Variants in MIB1 observed in about 807,000 individuals in gnomAD.
MIB1 encodes the protein MIB E3 ubiquitin protein ligase 1, also known as E3 ubiquitin-protein ligase MIB1.
In MIB1, 278 loss-of-function variants were observed where a neutral mutation model predicts 124.5. That is an observed-to-expected ratio of 2.23 (90% CI 2.02 to 2.47). The LOEUF (loss-of-function observed/expected upper bound fraction) is 2.47, where lower values mean the gene tolerates loss of function less well. Ranked by LOEUF, MIB1 falls within the 30% of genes most tolerant of loss-of-function variation. The pLI is 0.00. For synonymous variants in MIB1, 446 were observed against 429.4 expected, an observed-to-expected ratio of 1.04 and a Z score of -0.48; for missense variants, 957 against 1,254.4, an observed-to-expected ratio of 0.76 and a Z score of 3.58.
chr18:21,778,216 C>G, intron 5 of MIB1, 47 bp downstream of exon 5: 1 of 1,277,634 alleles, frequency 7.8e-7, no homozygotes, highest in Non-Finnish European at 1.1e-6. Flanking sequence ...GGTCAGAGTT[C>G]GTGGAATCAG....
chr18:21,800,294 A>G (rs1220164757), intron 9 of MIB1, among the ~76,000 whole-genome samples: 1 of 151,864 alleles, frequency 6.6e-6, no homozygotes, highest in Non-Finnish European at 1.5e-5. Context: ...TCTTCTAAGT[A>G]TATTTTAGTG....
In MIB1 at chr18:21,818,337, A is replaced by T. The variant is rs1226301904; in HGVS notation, c.1678-1158A>T. ...GTTCTAATGAGCAGCCAAGTTTGAAAGCCACCGACTTTCAATTCATTGTTA... is the reference window on the plus strand; with the variant it reads ...GTTCTAATGAGCAGCCAAGTTTGAATGCCACCGACTTTCAATTCATTGTTA... On this transcript the variant is annotated intron_variant, in intron 11 of 20. Transcript: ENST00000261537. 2.0e-5 allele frequency among the ~76,000 whole-genome samples: 3 copies of T among 152,164 alleles called. No individual in the cohort carries two copies. The East Asian group carries it at 5.8e-4, about 29-fold the overall frequency.
chr18:21,753,665 A>G (rs1216919681), intron 1 of MIB1, among the ~76,000 whole-genome samples: 1 of 151,422 alleles, frequency 6.6e-6, no homozygotes. Flanking sequence ...AAAGGAGTGC[A>G]TTTCTTTTTC....
chr18:21,847,251 C>T (rs899194262), intron 16 of MIB1, 126 bp downstream of exon 16: 4 of 845,392 alleles, frequency 4.7e-6, no homozygotes, highest in African/African-American at 1.7e-5. Flanking sequence ...TTGTGTTGAC[C>T]CTTTCTTTCC....
chr18:21,773,919 T>C (rs1224824852), intron 4 of MIB1, among the ~76,000 whole-genome samples, 191 bp downstream of exon 4: 1 of 152,196 alleles, frequency 6.6e-6, no homozygotes, highest in East Asian at 1.9e-4. Context: ...TTACTATATA[T>C]TGGTGGTGTA....
intron 12 of MIB1, among the ~76,000 whole-genome samples, chr18:21,837,706 TTTTTAAA>T (rs1419564229): frequency 6.6e-6 from 1 of 152,206 alleles, no homozygotes; most frequent in Admixed American, 6.5e-5. Flanking sequence ...TTATTACTGA[TTTTTAAA>T]TTTTAAATAT....
At position 21,808,597 on chromosome 18, in the gene MIB1, AT is replaced by A. The variant is rs570596356; in HGVS notation, c.1479+4586del. Among the ~76,000 whole-genome samples the A allele has an allele frequency of 2.9e-3, 444 of 152,202 alleles. 1 individual carries two copies. Among genetic ancestry groups the A allele is most frequent in the African/African-American group, 0.01 (423 of 41,534 alleles). Reference sequence around the variant, plus strand: ...GTGATAAGATTATATTTTGTTTCCTATTTCTTTTTCTTAGGGAAACCTCAAA... The same window carrying A: ...GTGATAAGATTATATTTTGTTTCCTATTCTTTTTCTTAGGGAAACCTCAAA... On this transcript the variant is annotated intron_variant, in intron 10 of 20. Coordinates refer to ENST00000261537, the MANE Select transcript of MIB1 (RefSeq NM_020774.4).
At chr18:21,771,644 A>T (rs2041224918) in intron 3 of MIB1, among the ~76,000 whole-genome samples, 1 of 152,142 alleles carries the variant, frequency 6.6e-6, no homozygotes, top group Non-Finnish European at 1.5e-5. Context: ...GATTGATGAG[A>T]TGGACATAGG....
At chr18:21,825,605 A>C (rs2041917380) in intron 12 of MIB1, 2 of 464,052 alleles carry the variant, frequency 4.3e-6, no homozygotes, top group Non-Finnish European at 8.9e-6. Context: ...AAGTTATTTG[A>C]TTATAATCAC....
chr18:21,752,699 T>G (rs1276348471), intron 1 of MIB1, among the ~76,000 whole-genome samples: 3 of 152,166 alleles, frequency 2.0e-5, no homozygotes, highest in African/African-American at 7.2e-5. Context: ...GTACAACCAC[T>G]TTGAGAAGCA....
intron 1 of MIB1, among the ~76,000 whole-genome samples, chr18:21,764,594 A>T (rs1480644591): frequency 6.6e-6 from 1 of 152,206 alleles, no homozygotes; most frequent in Admixed American, 6.5e-5. Flanking sequence ...TTAATTATGG[A>T]AATGTTCTAA....
At chr18:21,844,721 G>A (rs1443596058) in intron 15 of MIB1, among the ~76,000 whole-genome samples, 1 of 151,990 alleles carries the variant, frequency 6.6e-6, no homozygotes, top group South Asian at 2.1e-4. Flanking sequence ...GAGCCACTGC[G>A]CCCAGCCATT....
At chr18:21,738,218 TAAC>T (rs1425539120), upstream of MIB1, among the ~76,000 whole-genome samples, 4 of 152,148 alleles carry the variant, frequency 2.6e-5, no homozygotes, top group African/African-American at 9.7e-5. Flanking sequence ...ATGGAAATCA[TAAC>T]AAACAGTCTC....
intron 1 of MIB1, among the ~76,000 whole-genome samples, chr18:21,754,900 C>T (rs1420141306): frequency 2.0e-5 from 3 of 152,096 alleles, no homozygotes; most frequent in African/African-American, 7.2e-5. Flanking sequence ...TTAAGGCATC[C>T]GTTGGGGAGT....
chr18:21,838,498 G>T lies in MIB1; in HGVS notation c.1962+1G>T. 1 of 1,582,500 alleles carries T rather than the reference G, an allele frequency of 6.3e-7. No individual in the cohort carries two copies. Among genetic ancestry groups the T allele is most frequent in the Non-Finnish European group, 8.6e-7 (1 of 1,168,532 alleles). ...AGTGGCTGAACTGTTGGTACATCAG[G>T]TAAGAAAAGAGTTAAATAATTCCCT... On this transcript the variant is annotated splice_donor_variant, in intron 13 of 20. Coordinates refer to ENST00000261537, the MANE Select transcript of MIB1 (RefSeq NM_020774.4). LOFTEE classifies it high-confidence loss of function.
At chr18:21,719,646 A>T (rs1193959555) in intron 1 of MIB1, among the ~76,000 whole-genome samples, 1 of 143,434 alleles carries the variant, frequency 7.0e-6, no homozygotes, top group African/African-American at 2.6e-5. Context: ...TTTAGTAGAG[A>T]TGGGGTTTCA....
intron 1 of MIB1, among the ~76,000 whole-genome samples, chr18:21,764,266 T>C (rs2041131173): frequency 6.6e-6 from 1 of 152,124 alleles, no homozygotes. Context: ...CCTTCCTGCC[T>C]TCCCTCCCTC....
chr18:21,707,887 T>C (rs1179685480), intron 1 of MIB1, among the ~76,000 whole-genome samples: 1 of 152,212 alleles, frequency 6.6e-6, no homozygotes, highest in Non-Finnish European at 1.5e-5. Flanking sequence ...CATGTATTTC[T>C]CACTGTTCTA....
intron 18 of MIB1, chr18:21,854,839 T>G (rs1224170710): frequency 4.9e-6 from 1 of 203,346 alleles, no homozygotes; most frequent in Non-Finnish European, 1.0e-5. Flanking sequence ...TCCCTTGAAG[T>G]CTGCCTGGGC....
Sources: allele counts gnomAD v4.1 joint callset (sites outside exome capture counted in the v4.1 genomes callset), GRCh38; gene constraint gnomAD v4.1.1; transcripts MANE v1.5; gene names NCBI Gene and HGNC (gene_info 2026-07-23, HGNC 2026-07-21).